Variants in NELL1 observed in about 807,000 individuals in gnomAD.
The protein encoded by NELL1 is protein kinase C-binding protein NELL1.
A neutral mutation model predicts 107.4 loss-of-function variants in NELL1; 76 were observed. The ratio of observed to expected loss-of-function variants is 0.71; its 90% CI spans 0.59 to 0.86. The LOEUF (loss-of-function observed/expected upper bound fraction) is 0.86, where lower values mean the gene tolerates loss of function less well. NELL1 is among the 40% of genes least tolerant of loss of function. The pLI is 0.00. For synonymous variants in NELL1, 353 were observed against 341.2 expected (o/e 1.03, Z -0.38); for missense variants, 1,024 against 1,005.5 (o/e 1.02, Z -0.25).
intron 4 of NELL1, among the ~76,000 whole-genome samples, chr11:20,863,705 T>G (rs916879489): frequency 4.6e-5 from 7 of 151,368 alleles, no homozygotes; most frequent in Non-Finnish European, 1.0e-4. Context: ...CCAGACGGGG[T>G]GGTGACCGGG....
chr11:21,336,067 A>G (rs1020826418), intron 14 of NELL1, among the ~76,000 whole-genome samples: 1 of 152,142 alleles, frequency 6.6e-6, no homozygotes. Context: ...AACATTATTT[A>G]TATACAACCT....
intron 4 of NELL1, among the ~76,000 whole-genome samples, chr11:20,869,898 G>T (rs184944011): frequency 4.4e-4 from 67 of 152,298 alleles, no homozygotes; most frequent in African/African-American, 1.6e-3. Context: ...GTAAGTAACA[G>T]AAATCAACTT....
intron 14 of NELL1, among the ~76,000 whole-genome samples, chr11:21,348,435 A>T (rs1221566715): frequency 6.6e-6 from 1 of 152,194 alleles, no homozygotes; most frequent in Non-Finnish European, 1.5e-5. Flanking sequence ...GCTGGAATAA[A>T]AGTAAAGTAC....
chr11:20,977,495 A>C (rs1851662570), intron 12 of NELL1, among the ~76,000 whole-genome samples: 1 of 152,050 alleles, frequency 6.6e-6, no homozygotes, highest in Non-Finnish European at 1.5e-5. Flanking sequence ...CGATCTCCTG[A>C]CCTCATGATC....
At chr11:20,877,836 A>C (rs1368194166) in intron 4 of NELL1, among the ~76,000 whole-genome samples, 1 of 152,140 alleles carries the variant, frequency 6.6e-6, no homozygotes, top group Admixed American at 6.5e-5. Context: ...AATTCCTATA[A>C]TTCTCCCCGT....
intron 3 of NELL1, among the ~76,000 whole-genome samples, chr11:20,789,520 A>T (rs969745219): frequency 6.6e-6 from 1 of 152,142 alleles, no homozygotes; most frequent in African/African-American, 2.4e-5. Context: ...GTGCTCCCCA[A>T]AGGGCTGCAG....
At chr11:21,282,640 G>A (rs1299557661) in intron 14 of NELL1, among the ~76,000 whole-genome samples, 2 of 152,060 alleles carry the variant, frequency 1.3e-5, no homozygotes, top group Admixed American at 1.3e-4. Context: ...TGAAAATAGA[G>A]CCACCATAGC....
At chr11:21,329,123 G>A (rs1001824378) in intron 14 of NELL1, among the ~76,000 whole-genome samples, 4 of 152,046 alleles carry the variant, frequency 2.6e-5, no homozygotes, top group Non-Finnish European at 1.5e-5. Context: ...GAATGATATG[G>A]TTCATCTGTA....
At chr11:20,790,591 AGGCCTGGGTCTGCAGCCACAGTTTG>A (rs1294103498) in intron 3 of NELL1, among the ~76,000 whole-genome samples, 5 of 152,130 alleles carry the variant, frequency 3.3e-5, no homozygotes, top group Non-Finnish European at 5.9e-5. Context: ...GTGAAACAGG[AGGCCTGGGTCTGCAGCCACAGTTTG>A]GGCAGCTGCA....
At chr11:21,437,506 T>G (rs557386837) in intron 15 of NELL1, among the ~76,000 whole-genome samples, 1 of 152,194 alleles carries the variant, frequency 6.6e-6, no homozygotes, top group Admixed American at 6.5e-5. Context: ...ATTACAGGCC[T>G]GCACCACCAC....
At chr11:20,915,719 T>TATATATATATATATA (rs1332292027) in intron 5 of NELL1, among the ~76,000 whole-genome samples, 561 of 23,990 alleles carry the variant, frequency 0.023, 5 homozygotes, top group South Asian at 0.051. Flanking sequence ...ATATATATAT[T>TATATATATATATATA]TTTTTTTTTT....
intron 2 of NELL1, among the ~76,000 whole-genome samples, chr11:20,749,719 C>T (rs1288998570): frequency 1.3e-5 from 2 of 152,094 alleles, no homozygotes; most frequent in African/African-American, 4.8e-5. Flanking sequence ...AACCATCACC[C>T]TCTAAATAAA....
intron 13 of NELL1, among the ~76,000 whole-genome samples, chr11:21,218,141 ACAT>A (rs1857663200): frequency 6.6e-6 from 1 of 152,158 alleles, no homozygotes; most frequent in African/African-American, 2.4e-5. Flanking sequence ...CTTAGGTTAT[ACAT>A]CCATCCTAAA....
chr11:20,995,123 CT>C (rs1852060509), intron 12 of NELL1, among the ~76,000 whole-genome samples: 1 of 141,598 alleles, frequency 7.1e-6, no homozygotes, highest in African/African-American at 2.6e-5. Flanking sequence ...ACTTAATTTT[CT>C]GGTTTTTTTT....
At chr11:21,547,911 G>T (rs1856483001) in intron 16 of NELL1, among the ~76,000 whole-genome samples, 1 of 151,816 alleles carries the variant, frequency 6.6e-6, no homozygotes, top group African/African-American at 2.4e-5. Context: ...TTGTGAAAAT[G>T]ACTGCCTAAA....
chr11:21,028,309 T>C (rs1369737278), intron 12 of NELL1, among the ~76,000 whole-genome samples: 3 of 152,056 alleles, frequency 2.0e-5, no homozygotes, highest in Non-Finnish European at 2.9e-5. Flanking sequence ...AACCTCTGCT[T>C]TAAGCCACCT....
At chr11:21,079,040 T>TA (rs558352074) in intron 12 of NELL1, among the ~76,000 whole-genome samples, 7,128 of 143,612 alleles carry the variant, frequency 0.05, 243 homozygotes, top group African/African-American at 0.09. Flanking sequence ...GACTGATAAC[T>TA]AAAAAAAAAA....
intron 7 of NELL1, among the ~76,000 whole-genome samples, chr11:20,926,859 C>A (rs1242769710): frequency 6.6e-6 from 1 of 152,136 alleles, no homozygotes; most frequent in African/African-American, 2.4e-5. Context: ...GCAGTGACTT[C>A]CTAGTTTGTA....
intron 15 of NELL1, among the ~76,000 whole-genome samples, chr11:21,502,944 A>C (rs1191971290): frequency 1.3e-5 from 2 of 152,168 alleles, no homozygotes; most frequent in Non-Finnish European, 2.9e-5. Context: ...GTGCAATGGC[A>C]TGATCTAGGC....
Sources: gnomAD v4.1 joint callset for allele counts (sites outside exome capture counted in the v4.1 genomes callset) on GRCh38, gnomAD v4.1.1 for gene constraint, MANE v1.5 for transcripts, NCBI Gene and HGNC (gene_info 2026-07-23, HGNC 2026-07-21) for gene names.